The following NR6A1 variants were observed in gnomAD, a reference collection of about 807,000 sequenced individuals.
NR6A1 encodes the protein retinoic acid receptor-related testis-associated receptor.
In NR6A1, 7 loss-of-function variants were observed where a neutral mutation model predicts 59.1. The observed-to-expected ratio is 0.12, with a 90% CI of 0.07 to 0.22. The LOEUF (loss-of-function observed/expected upper bound fraction) is 0.22, where lower values mean the gene tolerates loss of function less well. NR6A1 is among the 10% of genes least tolerant of loss of function. The probability of loss-of-function intolerance (pLI) is 1.00; values close to 1 mark genes in which losing one functional copy is unlikely to be tolerated. For synonymous variants in NR6A1, 243 were observed against 236.1 expected (o/e 1.03, Z -0.27); for missense variants, 468 against 611.6 (o/e 0.77, Z 2.48).
At chr9:124,569,483 G>A (rs987527783) in intron 2 of NR6A1, among the ~76,000 whole-genome samples, 2 of 152,214 alleles carry the variant, frequency 1.3e-5, no homozygotes, top group South Asian at 2.1e-4. Flanking sequence ...GCCAGATTTA[G>A]GAAATGGAGA....
intron 2 of NR6A1, among the ~76,000 whole-genome samples, chr9:124,641,359 C>CA (rs558122642): frequency 0.075 from 6,072 of 81,354 alleles, 174 homozygotes; most frequent in African/African-American, 0.078. Context: ...AAATCTGTCT[C>CA]AAAAAAAAAA....
intron 2 of NR6A1, among the ~76,000 whole-genome samples, chr9:124,708,032 A>G (rs1839184122): frequency 6.6e-6 from 1 of 152,102 alleles, no homozygotes; most frequent in African/African-American, 2.4e-5. Flanking sequence ...GATGTGCATA[A>G]ATACTCCAAC....
At chr9:124,575,024 AAC>A (rs1834549108) in intron 2 of NR6A1, among the ~76,000 whole-genome samples, 2 of 152,302 alleles carry the variant, frequency 1.3e-5, no homozygotes, top group South Asian at 4.1e-4. Context: ...CTTTGCACGA[AAC>A]ACAGACTTGT....
At chr9:124,557,631 A>G (rs1211918064) in intron 2 of NR6A1, among the ~76,000 whole-genome samples, 2 of 152,220 alleles carry the variant, frequency 1.3e-5, no homozygotes, top group Non-Finnish European at 2.9e-5. Context: ...TACAATAGCA[A>G]ATTTTAAAAA....
intron 2 of NR6A1, among the ~76,000 whole-genome samples, chr9:124,701,786 CA>C (rs1453298871): frequency 6.6e-6 from 1 of 152,142 alleles, no homozygotes; most frequent in Non-Finnish European, 1.5e-5. Context: ...TGCAGTGGCA[CA>C]ATCTCGGCTC....
At chr9:124,698,767 G>C (rs1363764768) in intron 2 of NR6A1, 1 of 152,084 alleles carries the variant, frequency 6.6e-6, no homozygotes, top group East Asian at 1.9e-4. Context: ...ACACATTGCA[G>C]TTTCAGCCTA....
At chr9:124,616,370 TC>T in intron 2 of NR6A1, among the ~76,000 whole-genome samples, 1 of 129,016 alleles carries the variant, frequency 7.8e-6, no homozygotes, top group Non-Finnish European at 1.6e-5. Flanking sequence ...GCCAATGCAC[TC>T]CAGCCTGGGC....
At chr9:124,660,783 T>C (rs956635265) in intron 2 of NR6A1, among the ~76,000 whole-genome samples, 2 of 152,218 alleles carry the variant, frequency 1.3e-5, no homozygotes, top group Non-Finnish European at 2.9e-5. Context: ...GTGCTCGCTT[T>C]TCTCACTACA....
intron 2 of NR6A1, among the ~76,000 whole-genome samples, chr9:124,659,402 C>G (rs1384621171): frequency 6.6e-6 from 1 of 152,200 alleles, no homozygotes; most frequent in African/African-American, 2.4e-5. Context: ...AGGAATGCAT[C>G]CCCTCTGAAG....
intron 3 of NR6A1, among the ~76,000 whole-genome samples, chr9:124,552,311 G>A (rs1588660334): frequency 6.6e-6 from 1 of 152,146 alleles, no homozygotes; most frequent in African/African-American, 2.4e-5. Flanking sequence ...TGGTATTGGT[G>A]GCTGGAAAAG....
intron 2 of NR6A1, among the ~76,000 whole-genome samples, chr9:124,588,496 G>A (rs1293625146): frequency 2.0e-5 from 3 of 151,386 alleles, no homozygotes; most frequent in African/African-American, 7.3e-5. Context: ...TTTTAGTAGA[G>A]ACGGGGTTTC....
chr9:124,608,175 G>A (rs879610661), intron 2 of NR6A1, among the ~76,000 whole-genome samples: 2 of 152,072 alleles, frequency 1.3e-5, no homozygotes, highest in Non-Finnish European at 2.9e-5. Flanking sequence ...TACGTTTCAG[G>A]GTACATGTGC....
chr9:124,692,357 C>A, intron 2 of NR6A1: 1 of 380,648 alleles, frequency 2.6e-6, no homozygotes, highest in Admixed American at 2.7e-5. Context: ...ATACTCTCGA[C>A]TTGAAACCCA....
intron 7 of NR6A1, among the ~76,000 whole-genome samples, chr9:124,531,599 C>T (rs1410224423): frequency 6.6e-6 from 1 of 152,146 alleles, no homozygotes; most frequent in Non-Finnish European, 1.5e-5. Flanking sequence ...AGTGGTTAAC[C>T]TGACTCTAGA....
chr9:124,533,885 G>A (rs1025936428), intron 7 of NR6A1, among the ~76,000 whole-genome samples: 1 of 151,558 alleles, frequency 6.6e-6, no homozygotes, highest in East Asian at 1.9e-4. Flanking sequence ...TCCTGACCTC[G>A]TGATCTGCCT....
At position 124,719,605 on chromosome 9, in the gene NR6A1, TAA is replaced by T. The variant is rs1356550694; in HGVS notation, c.142+13701_142+13702del. ...AGGCCACCAAGGTTCTGTGAAAACCTAAGAGTATACGCTCATTTAAAGAAGGC... is the reference window on the plus strand; with the variant it reads ...AGGCCACCAAGGTTCTGTGAAAACCTGAGTATACGCTCATTTAAAGAAGGC... On this transcript the variant is annotated intron_variant, in intron 2 of 9. Transcript: ENST00000487099. Among the ~76,000 whole-genome samples, 3 of 152,180 alleles carry T rather than the reference TAA, an allele frequency of 2.0e-5. No homozygotes were observed. In the South Asian group the frequency reaches 6.2e-4, roughly 32 times the overall value.
chr9:124,730,555 C>CT (rs56330244), intron 2 of NR6A1, among the ~76,000 whole-genome samples: 53,452 of 123,102 alleles, frequency 0.43, 11,639 homozygotes, highest in Middle Eastern at 0.49. Flanking sequence ...ATTTTTTAGT[C>CT]TTTTTTTTTT....
At chr9:124,704,366 T>C (rs1839060420) in intron 2 of NR6A1, among the ~76,000 whole-genome samples, 1 of 152,224 alleles carries the variant, frequency 6.6e-6, no homozygotes, top group African/African-American at 2.4e-5. Context: ...TTGTTTTCCA[T>C]TCTAATCTTT....
rs550745108 is a variant in NR6A1 at position 124,759,257 on chromosome 9, C to A, written c.100+11763G>T. ...AAAAAGGTACATGGGACAAAGGCCA[C>A]CTTTTCCTAAACTGCATTCCCGAAT... On this transcript the variant is annotated intron_variant, in intron 1 of 9. Transcript: ENST00000487099. Among the ~76,000 whole-genome samples the A allele has an allele frequency of 3.3e-5, 5 of 152,318 alleles. No homozygotes were observed. In the East Asian group the frequency reaches 7.7e-4, roughly 23 times the overall value.
Sources: gnomAD v4.1 joint callset for allele counts (sites outside exome capture counted in the v4.1 genomes callset) on GRCh38, gnomAD v4.1.1 for gene constraint, MANE v1.5 for transcripts, NCBI Gene and HGNC (gene_info 2026-07-23, HGNC 2026-07-21) for gene names.